FHIT: variants seen among roughly 807,000 people sequenced by gnomAD.
FHIT encodes fragile histidine triad diadenosine triphosphatase, also known as bis(5'-adenosyl)-triphosphatase.
In FHIT, 19 loss-of-function variants were observed where a neutral mutation model predicts 17.9. That is an observed-to-expected ratio of 1.06 (90% CI 0.74 to 1.56). FHIT has a LOEUF of 1.56. Ranked by LOEUF, FHIT falls within the 40% of genes most tolerant of loss-of-function variation. The probability of loss-of-function intolerance (pLI) is 0.00; values close to 1 mark genes in which losing one functional copy is unlikely to be tolerated. For synonymous variants in FHIT, 81 were observed against 69.7 expected (o/e 1.16, Z -0.81); for missense variants, 248 against 189.2 (o/e 1.31, Z -1.82).
intron 5 of FHIT, among the ~76,000 whole-genome samples, chr3:60,529,915 A>C (rs956305924): frequency 4.6e-5 from 7 of 152,152 alleles, no homozygotes; most frequent in Admixed American, 2.6e-4. Flanking sequence ...ACAGAATTAC[A>C]TTCTGTGTAG....
chr3:60,337,001 A>G (rs1710275596), intron 5 of FHIT, among the ~76,000 whole-genome samples: 2 of 152,142 alleles, frequency 1.3e-5, no homozygotes, highest in African/African-American at 2.4e-5. Flanking sequence ...TCATTTATAT[A>G]TACTGGTTAC....
At chr3:60,943,711 A>T (rs550730104) in intron 3 of FHIT, among the ~76,000 whole-genome samples, 1 of 152,208 alleles carries the variant, frequency 6.6e-6, no homozygotes, top group African/African-American at 2.4e-5. Flanking sequence ...TGCATACCAT[A>T]GCAAGCATTG....
intron 7 of FHIT, among the ~76,000 whole-genome samples, chr3:59,969,109 A>T (rs1180647916): frequency 6.6e-6 from 1 of 152,146 alleles, no homozygotes; most frequent in East Asian, 1.9e-4. Context: ...CAAACACATT[A>T]TTCTCTGTGA....
chr3:60,714,977 G>A (rs547812799), intron 4 of FHIT, among the ~76,000 whole-genome samples: 1 of 152,254 alleles, frequency 6.6e-6, no homozygotes, highest in East Asian at 1.9e-4. Context: ...GCATCGCCAA[G>A]TCAATCCTAA....
intron 3 of FHIT, among the ~76,000 whole-genome samples, chr3:60,866,999 C>A (rs1214162296): frequency 6.6e-6 from 1 of 152,112 alleles, no homozygotes; most frequent in African/African-American, 2.4e-5. Flanking sequence ...GAGCAGAAGC[C>A]AGGAAATTGA....
At chr3:60,167,910 T>C (rs893497122) in intron 5 of FHIT, among the ~76,000 whole-genome samples, 11 of 152,202 alleles carry the variant, frequency 7.2e-5, no homozygotes, top group African/African-American at 2.6e-4. Flanking sequence ...TATGCGCCTG[T>C]AGTCCCAGCT....
intron 4 of FHIT, among the ~76,000 whole-genome samples, chr3:60,568,437 T>A (rs986348685): frequency 6.7e-6 from 1 of 149,988 alleles, no homozygotes; most frequent in Non-Finnish European, 1.5e-5. Context: ...AAGGGGAACA[T>A]CACACACCAG....
At chr3:59,926,035 A>C (rs906038213) in intron 7 of FHIT, among the ~76,000 whole-genome samples, 2 of 152,252 alleles carry the variant, frequency 1.3e-5, no homozygotes, top group Non-Finnish European at 2.9e-5. Flanking sequence ...ATTTAATAAA[A>C]GCCTTCCACA....
chr3:61,011,436 A>G (rs1156342237), intron 3 of FHIT, among the ~76,000 whole-genome samples: 1 of 152,162 alleles, frequency 6.6e-6, no homozygotes, highest in East Asian at 1.9e-4. Context: ...CAATATGAAT[A>G]TCAGTTATTG....
chr3:60,261,877 C>T (rs1008912314), intron 5 of FHIT, among the ~76,000 whole-genome samples: 1 of 152,018 alleles, frequency 6.6e-6, no homozygotes, highest in Non-Finnish European at 1.5e-5. Context: ...AGGAACATCT[C>T]TGTCTCTCTG....
rs867476570 is a variant in FHIT, at chr3:60,413,548, A to G, written c.103+123312T>C. ...GTTCATTTCTCAATAAGTGCATGTT[A>G]GGTAAATTGACCACTGTCTCTTCTG... is the stretch of plus-strand genomic sequence containing the variant. On this transcript the variant is annotated intron_variant, in intron 5 of 9. Coordinates refer to ENST00000492590, the MANE Select transcript of FHIT (RefSeq NM_002012.4). Among the ~76,000 whole-genome samples the G allele has an allele frequency of 7.2e-5, 11 of 152,302 alleles. No individual in the cohort carries two copies. The Middle Eastern group carries it at 0.024, about 330-fold the overall frequency.
chr3:60,800,643 A>G (rs1263509602), intron 4 of FHIT, among the ~76,000 whole-genome samples: 1 of 152,202 alleles, frequency 6.6e-6, no homozygotes, highest in African/African-American at 2.4e-5. Flanking sequence ...CAAGAAATTG[A>G]TTGAAATAGT....
chr3:60,050,567 T>C (rs765557465), intron 5 of FHIT, among the ~76,000 whole-genome samples: 3 of 151,074 alleles, frequency 2.0e-5, no homozygotes, highest in African/African-American at 7.4e-5. Flanking sequence ...AATTTCAGGC[T>C]GTTCCCAGAC....
chr3:60,165,708 C>T (rs1215854994), intron 5 of FHIT, among the ~76,000 whole-genome samples: 1 of 152,168 alleles, frequency 6.6e-6, no homozygotes, highest in Non-Finnish European at 1.5e-5. Flanking sequence ...TCCTTAAATT[C>T]CTTTTCCCCT....
At chr3:60,912,575 CT>C (rs1706802116) in intron 3 of FHIT, among the ~76,000 whole-genome samples, 2 of 152,178 alleles carry the variant, frequency 1.3e-5, no homozygotes, top group Admixed American at 6.5e-5. Context: ...TGTCTTCCCC[CT>C]ATTTGCCACA....
intron 4 of FHIT, among the ~76,000 whole-genome samples, chr3:60,666,345 G>A (rs2107834355): frequency 6.6e-6 from 1 of 152,136 alleles, no homozygotes; most frequent in East Asian, 1.9e-4. Context: ...TCTTCACTCT[G>A]GAAGTATAGT....
At chr3:60,165,386 C>A (rs530736920) in intron 5 of FHIT, among the ~76,000 whole-genome samples, 9 of 152,144 alleles carry the variant, frequency 5.9e-5, no homozygotes, top group Non-Finnish European at 1.3e-4. Flanking sequence ...AAGTGGTGAA[C>A]TTTAGGAATT....
chr3:60,849,675 C>T (rs1164712889), intron 3 of FHIT, among the ~76,000 whole-genome samples: 2 of 151,838 alleles, frequency 1.3e-5, no homozygotes, highest in African/African-American at 4.8e-5. Context: ...CTTCTAAATG[C>T]CATTTCTGCC....
chr3:61,040,892 C>A (rs566614461), intron 3 of FHIT, among the ~76,000 whole-genome samples: 27 of 152,306 alleles, frequency 1.8e-4, no homozygotes, highest in African/African-American at 5.8e-4. Flanking sequence ...TGACTGGTAA[C>A]CCCTCAGGGA....
Sources: allele counts gnomAD v4.1 joint callset (sites outside exome capture counted in the v4.1 genomes callset), GRCh38; gene constraint gnomAD v4.1.1; transcripts MANE v1.5; gene names NCBI Gene and HGNC (gene_info 2026-07-23, HGNC 2026-07-21).